The following MYBPHL variants were observed in gnomAD, a reference collection of about 807,000 sequenced individuals.
The protein encoded by MYBPHL is myosin binding protein H like.
Under a neutral mutation model 39.5 loss-of-function variants are expected in MYBPHL, and 32 were observed. The observed-to-expected ratio is 0.81, with a 90% CI of 0.61 to 1.09. MYBPHL has a LOEUF of 1.09. MYBPHL is among the 50% of genes least tolerant of loss of function. The pLI, the probability that MYBPHL is intolerant of heterozygous loss-of-function variation, is 0.00. For synonymous variants in MYBPHL, 196 were observed against 183.7 expected, an observed-to-expected ratio of 1.07 and a Z score of -0.54; for missense variants, 456 against 460.2, an observed-to-expected ratio of 0.99 and a Z score of 0.08.
chr1:109,301,721 A>G (rs929312949), intron 1 of MYBPHL, among the ~76,000 whole-genome samples: 3 of 150,716 alleles, frequency 2.0e-5, no homozygotes, highest in Non-Finnish European at 4.4e-5. Context: ...AGCCTGGGCA[A>G]TAAGAACAAA....
rs182495773 is a variant in MYBPHL, at chr1:109,296,126, G to A, written c.867+108C>T. The A allele has an allele frequency of 4.1e-4, 574 of 1,388,934 alleles. 10 individuals carry two copies. In the East Asian group the frequency reaches 7.8e-3, roughly 19 times the overall value. The allele number at this position is 1,388,934 out of a possible 1,614,324, so 86.0% of individuals were successfully genotyped here. A position where few individuals can be genotyped will look rare whatever the true frequency, so the allele number is the denominator to read the frequency against. On this transcript the variant is annotated intron_variant, in intron 6 of 8. Transcript: ENST00000357155. ...CCGTGCTGTAGAAGAGGCAGATGGC[G>A]GTGATGGTAACAGATGTTATGTTAC... is the stretch of plus-strand genomic sequence containing the variant.
intron 1 of MYBPHL, among the ~76,000 whole-genome samples, chr1:109,303,334 A>ACT (rs1486504232): frequency 6.6e-6 from 1 of 151,566 alleles, no homozygotes; most frequent in Non-Finnish European, 1.5e-5. Context: ...TCATTATTAT[A>ACT]CTCTCTCTCT....
chr1:109,300,930 C>T (rs963525965), intron 1 of MYBPHL, among the ~76,000 whole-genome samples: 4 of 152,282 alleles, frequency 2.6e-5, no homozygotes, highest in Middle Eastern at 3.4e-3. Context: ...AGCAGGCTCC[C>T]GGCTCCCTGT....
chr1:109,300,754 T>C (rs1016351569), intron 1 of MYBPHL, among the ~76,000 whole-genome samples: 104 of 148,136 alleles, frequency 7.0e-4, no homozygotes, highest in African/African-American at 2.7e-3. Context: ...GGAAGGAGGC[T>C]GCCCGCGAGA....
In MYBPHL at chr1:109,296,719, G is replaced by A. The variant is rs963452379; in HGVS notation, c.730+64C>T. On this transcript the variant is annotated intron_variant, in intron 5 of 8. Coordinates refer to ENST00000357155, the MANE Select transcript of MYBPHL (RefSeq NM_001010985.3). ...CTCCCAAAGTGCTGGAATTAGAGGC[G>A]TGAGCCACTGTGCCCGGCCTATCCT... The A allele has an allele frequency of 3.3e-5, 53 of 1,590,856 alleles. 1 individual carries two copies. The highest frequency in any genetic ancestry group is 3.3e-4 in the Middle Eastern group (2 of 5,988).
chr1:109,294,158 C>T, intron 8 of MYBPHL, 48 bp downstream of exon 8: 1 of 1,253,504 alleles, frequency 8.0e-7, no homozygotes, highest in Non-Finnish European at 1.2e-6. Context: ...CAACACTAGC[C>T]ATAAACAGGA....
chr1:109,296,384 G>A lies in MYBPHL; in HGVS notation c.731-14C>T, dbSNP rs1185593144. On this transcript the variant is annotated splice_polypyrimidine_tract_variant and intron_variant, in intron 5 of 8. Transcript: ENST00000357155. ...TGTAAACAGTAGCTGAGGGCACCAA[G>A]AGGGGCTGGCATGTAGCTTCTGAGA... The A allele has an allele frequency of 9.9e-6, 16 of 1,613,872 alleles. No individual in the cohort carries two copies. The highest frequency in any genetic ancestry group is 1.3e-5 in the African/African-American group (1 of 74,908).
chr1:109,304,016 C>A (rs1273819557), intron 1 of MYBPHL, among the ~76,000 whole-genome samples: 1 of 152,150 alleles, frequency 6.6e-6, no homozygotes, highest in African/African-American at 2.4e-5. Context: ...ATTAGTGAGA[C>A]CCTCACTGAA....
In MYBPHL at chr1:109,296,873, AG is replaced by A. The variant is rs747310404; in HGVS notation, c.639del (p.Ser214ProfsTer82). The A allele has an allele frequency of 4.3e-6, 7 of 1,614,104 alleles. No homozygotes were observed. In the South Asian group the frequency reaches 7.7e-5, roughly 18 times the overall value. On this transcript the variant is annotated frameshift_variant, in exon 5 of 9. Coordinates refer to ENST00000357155, the MANE Select transcript of MYBPHL (RefSeq NM_001010985.3). LOFTEE classifies it high-confidence loss of function. ...SCIVSDLIIG[N>X]SYAFRVFAEN... is the part of the protein sequence containing the mutation. Reference sequence around the variant, plus strand: ...TCAGCAAAGACACGGAAGGCATAGGAGTTGCCGATGATGAGGTCAGAGACGA... The same window carrying A: ...TCAGCAAAGACACGGAAGGCATAGGATTGCCGATGATGAGGTCAGAGACGA...
chr1:109,297,409 TC>T lies in MYBPHL; in HGVS notation c.430+12del, dbSNP rs1420393805. On this transcript the variant is annotated intron_variant, in intron 3 of 8. Transcript: ENST00000357155. ...CCTGAGGACCCCCCCATCTCCCACT[TC>T]CCCCACCGTACCAATCACCAGGATG... The T allele has an allele frequency of 1.9e-6, 3 of 1,605,830 alleles. No homozygotes were observed. The African/African-American group carries it at 4.0e-5, about 22-fold the overall frequency.
At position 109,297,525 on chromosome 1, in the gene MYBPHL, G is replaced by A. The variant is rs759087839; in HGVS notation, c.327C>T (p.Ile109=). The change falls in exon 3 of 9, where the codon ATC becomes ATT. Residue 109 remains isoleucine, a synonymous_variant. Transcript: ENST00000357155. ...CACGTTGGGCTTCTCGGATGAAGAG[G>A]ATGGAGTCTTGCTCCCCATTCCGCA... ...VSVRNGEQDS[I]LFIREAQRAD... The A allele has an allele frequency of 8.1e-6, 13 of 1,613,754 alleles. No individual in the cohort carries two copies. Among genetic ancestry groups the A allele is most frequent in the Non-Finnish European group, 7.6e-6 (9 of 1,180,046 alleles).
intron 6 of MYBPHL, 66 bp downstream of exon 6, chr1:109,296,168 G>T (rs1467894357): frequency 6.3e-7 from 1 of 1,580,398 alleles, no homozygotes; most frequent in Non-Finnish European, 8.6e-7. Flanking sequence ...CTGCAACTCA[G>T]CTTAGGTTAG....
rs556948540 is a variant in MYBPHL, at chr1:109,297,131, T to G, written c.489A>C (p.Thr163=). The part of the protein sequence containing the change: ...KLVDVWGFSA[T]LEWTPPQDTG... Reference sequence around the variant, plus strand: ...TATCTTGGGGCGGTGTCCATTCCAGTGTAGCGCTGAAGCCCCAAACGTCCA... The same window carrying G: ...TATCTTGGGGCGGTGTCCATTCCAGGGTAGCGCTGAAGCCCCAAACGTCCA... Residue 163 remains threonine, a synonymous_variant, in exon 4 of 9, where the codon ACA becomes ACC. Coordinates refer to ENST00000357155, the MANE Select transcript of MYBPHL (RefSeq NM_001010985.3). The G allele has an allele frequency of 6.9e-5, 111 of 1,614,106 alleles. 1 individual carries two copies. The South Asian group carries it at 7.7e-4, about 11-fold the overall frequency.
Position 109,295,132 on chromosome 1 carries a change from C to T in MYBPHL, c.1033G>A (p.Asp345Asn). 6.2e-7 allele frequency: 1 copy of T among 1,613,570 alleles called. No individual in the cohort carries two copies. The highest frequency in any genetic ancestry group is 2.2e-5 in the East Asian group (1 of 44,888). ...TTACCTTTCACATCCACCCGACAGTCCACAGATGCCTCCCCTAGGGGGTTC... is the reference window on the plus strand; with the variant it reads ...TTACCTTTCACATCCACCCGACAGTTCACAGATGCCTCCCCTAGGGGGTTC... ...AVNPLGEASV[D>N]CRVDVKVPN is the part of the protein sequence containing the mutation. The change falls in exon 7 of 9, where the codon GAC becomes AAC. Residue 345 changes from aspartate (D) to asparagine (N), a missense_variant. By Grantham distance (23) the Asp-to-Asn change is conservative. Transcript: ENST00000357155.
intron 6 of MYBPHL, 152 bp downstream of exon 6, chr1:109,296,082 C>A (rs1185149459): frequency 2.7e-5 from 25 of 920,538 alleles, no homozygotes; most frequent in Non-Finnish European, 3.9e-5. Context: ...CCAAGCACCC[C>A]CCCGACTGTT....
intron 1 of MYBPHL, among the ~76,000 whole-genome samples, chr1:109,302,565 C>A (rs1216496713): frequency 6.6e-6 from 1 of 152,198 alleles, no homozygotes; most frequent in African/African-American, 2.4e-5. Flanking sequence ...CCAACACCCT[C>A]TCCATGCGGT....
Position 109,296,954 on chromosome 1 carries a change from A to C in MYBPHL, c.571-12T>G. ...ACCGTGAACCACAGCTGCGGGGCCGAACATGATGCCAGAAATCAGCCACCC... is the reference window on the plus strand; with the variant it reads ...ACCGTGAACCACAGCTGCGGGGCCGCACATGATGCCAGAAATCAGCCACCC... On this transcript the variant is annotated splice_polypyrimidine_tract_variant and intron_variant, in intron 4 of 8. Coordinates refer to ENST00000357155, the MANE Select transcript of MYBPHL (RefSeq NM_001010985.3). 6.2e-7 allele frequency: 1 copy of C among 1,614,004 alleles called. No individual in the cohort carries two copies. The highest frequency in any genetic ancestry group is 1.1e-5 in the South Asian group (1 of 91,072).
chr1:109,297,727 T>C (rs1658134730), intron 2 of MYBPHL, 110 bp from the exon 3 acceptor site: 2 of 971,000 alleles, frequency 2.1e-6, no homozygotes, highest in Admixed American at 5.6e-5. Flanking sequence ...GACTTGGAGC[T>C]GCACATTCCT....
At chr1:109,296,130 A>T in intron 6 of MYBPHL, 104 bp downstream of exon 6, 12 of 1,426,870 alleles carry the variant, frequency 8.4e-6, no homozygotes, top group Non-Finnish European at 1.1e-5. Flanking sequence ...GATGGCGGTG[A>T]TGGTAACAGA....
Sources: gnomAD v4.1 joint callset for allele counts (sites outside exome capture counted in the v4.1 genomes callset) on GRCh38, gnomAD v4.1.1 for gene constraint, MANE v1.5 for transcripts, NCBI Gene and HGNC (gene_info 2026-07-23, HGNC 2026-07-21) for gene names.